TUSC3: variants seen among roughly 807,000 people sequenced by gnomAD.
TUSC3 encodes dolichyl-diphosphooligosaccharide--protein glycosyltransferase subunit TUSC3.
TUSC3 carries 45 observed loss-of-function variants against 44.8 expected under a neutral mutation model. The ratio of observed to expected loss-of-function variants is 1.00; its 90% CI spans 0.79 to 1.29. The LOEUF (loss-of-function observed/expected upper bound fraction) is 1.29, where lower values mean the gene tolerates loss of function less well. Among genes scored for constraint, TUSC3 ranks in the 50% most tolerant of loss-of-function variants. TUSC3 has a pLI of 0.00. For synonymous variants in TUSC3, 212 were observed against 152.9 expected, an observed-to-expected ratio of 1.39 and a Z score of -2.85; for missense variants, 519 against 437.9, an observed-to-expected ratio of 1.19 and a Z score of -1.65.
chr8:15,735,886 T>TGTTTG (rs1563197131), intron 7 of TUSC3, among the ~76,000 whole-genome samples: 3 of 37,654 alleles, frequency 8.0e-5, no homozygotes, highest in African/African-American at 2.4e-4. Context: ...TTTTTTTGTT[T>TGTTTG]TTTTGGTTTT....
the TUSC3 span, among the ~76,000 whole-genome samples, chr8:15,809,764 G>A: frequency 2.0e-5 from 3 of 151,712 alleles, no homozygotes; most frequent in African/African-American, 7.3e-5. Context: ...TGCAACCACG[G>A]ATAAAAGAAC....
chr8:15,699,308 G>A (rs1399869317), intron 6 of TUSC3, among the ~76,000 whole-genome samples: 1 of 152,138 alleles, frequency 6.6e-6, no homozygotes, highest in African/African-American at 2.4e-5. Context: ...TAGAAAAAGT[G>A]TTTTTCATTT....
At chr8:15,481,232 A>T (rs1193707904) in intron 1 of TUSC3, among the ~76,000 whole-genome samples, 1 of 137,988 alleles carries the variant, frequency 7.2e-6, no homozygotes, top group Non-Finnish European at 1.5e-5. Context: ...GAGCAGCAAG[A>T]GTGAAACTCC....
intron 1 of TUSC3, among the ~76,000 whole-genome samples, chr8:15,471,881 G>T (rs1375208619): frequency 6.6e-6 from 1 of 152,190 alleles, no homozygotes; most frequent in South Asian, 2.1e-4. Flanking sequence ...GCCTCCCAAA[G>T]TGCTAGGATT....
At chr8:15,647,702 AG>A (rs1180112177) in intron 2 of TUSC3, among the ~76,000 whole-genome samples, 3 of 152,158 alleles carry the variant, frequency 2.0e-5, no homozygotes, top group Non-Finnish European at 2.9e-5. Context: ...TTATATTTTA[AG>A]GTAATTTTCT....
chr8:15,842,811 C>G, the TUSC3 span, among the ~76,000 whole-genome samples: 1 of 152,182 alleles, frequency 6.6e-6, no homozygotes, highest in Non-Finnish European at 1.5e-5. Flanking sequence ...TAGAGGAAAC[C>G]TGTACATCTC....
rs1456374956 is a variant in TUSC3 at position 15,765,397 on chromosome 8, A to T, written c.*1241A>T. The T allele has an allele frequency of 6.6e-6, 1 of 152,032 alleles. No individual in the cohort carries two copies. Among genetic ancestry groups the T allele is most frequent in the African/African-American group, 2.4e-5 (1 of 41,440 alleles). The allele number at this position is 152,032 out of a possible 1,614,324, so 9.4% of individuals were successfully genotyped here. ...AAGGTTTGTTATCTAATTTTCATTA[A>T]GATTTGAGTAACAGACCATGGAGAA... On this transcript the variant is annotated 3_prime_UTR_variant, in exon 11 of 11. Coordinates refer to ENST00000503731, the MANE Select transcript of TUSC3 (RefSeq NM_006765.4).
intron 1 of TUSC3, among the ~76,000 whole-genome samples, chr8:15,462,224 T>G (rs1800355744): frequency 6.6e-6 from 1 of 152,128 alleles, no homozygotes; most frequent in Admixed American, 6.6e-5. Context: ...AATCATGTAA[T>G]CATCACCATT....
chr8:15,545,453 A>G (rs1242668450), intron 1 of TUSC3, among the ~76,000 whole-genome samples: 1 of 151,554 alleles, frequency 6.6e-6, no homozygotes, highest in Non-Finnish European at 1.5e-5. Context: ...TCAAAAGTAA[A>G]CACTCATTTT....
the TUSC3 span, among the ~76,000 whole-genome samples, chr8:15,812,925 C>A: frequency 6.6e-6 from 1 of 152,062 alleles, no homozygotes; most frequent in Non-Finnish European, 1.5e-5. Flanking sequence ...GAAACCCCAT[C>A]TCTACTAAAA....
chr8:15,639,687 T>G (rs555132718), intron 2 of TUSC3, among the ~76,000 whole-genome samples: 1 of 152,298 alleles, frequency 6.6e-6, no homozygotes, highest in Non-Finnish European at 1.5e-5. Context: ...TGATTTTAGT[T>G]TATGTTAGTC....
chr8:15,426,444 C>A (rs371138193), intron 1 of TUSC3, among the ~76,000 whole-genome samples: 1 of 152,178 alleles, frequency 6.6e-6, no homozygotes. Flanking sequence ...GTATTCTTTG[C>A]TTCCATGAGT....
rs992200255 is a variant in TUSC3, at chr8:15,666,138, A to G, written c.708+3842A>G. Reference sequence around the variant, plus strand: ...TGGAACCAAAATGAGTTAAAATTGTATGTTTTGTAGCACATAATGAAGATC... The same window carrying G: ...TGGAACCAAAATGAGTTAAAATTGTGTGTTTTGTAGCACATAATGAAGATC... On this transcript the variant is annotated intron_variant, in intron 5 of 10. Transcript: ENST00000503731. Among the ~76,000 whole-genome samples, 15 of 151,650 alleles carry G rather than the reference A, an allele frequency of 9.9e-5. No individual in the cohort carries two copies. In the East Asian group the frequency reaches 2.3e-3, roughly 24 times the overall value.
At chr8:15,665,204 T>C (rs1807605674) in intron 5 of TUSC3, among the ~76,000 whole-genome samples, 2 of 151,488 alleles carry the variant, frequency 1.3e-5, no homozygotes, top group Admixed American at 1.3e-4. Flanking sequence ...AAAGGAAAGC[T>C]CTTAAAATAA....
At chr8:15,456,020 C>A (rs2129121104) in intron 1 of TUSC3, among the ~76,000 whole-genome samples, 1 of 152,234 alleles carries the variant, frequency 6.6e-6, no homozygotes, top group Non-Finnish European at 1.5e-5. Context: ...ACCTACCAAC[C>A]ACTCCGGTGG....
At chr8:15,771,657 A>G in the TUSC3 span, among the ~76,000 whole-genome samples, 1 of 152,216 alleles carries the variant, frequency 6.6e-6, no homozygotes, top group African/African-American at 2.4e-5. Flanking sequence ...CAACCAGTGG[A>G]TCACAGAAGA....
At chr8:15,424,501 T>A (rs1799780075) in intron 1 of TUSC3, among the ~76,000 whole-genome samples, 1 of 152,088 alleles carries the variant, frequency 6.6e-6, no homozygotes, top group Non-Finnish European at 1.5e-5. Context: ...GAGATTAACG[T>A]TTCTGGGCAA....
intron 6 of TUSC3, among the ~76,000 whole-genome samples, chr8:15,688,192 C>A (rs982500760): frequency 1.3e-5 from 2 of 149,936 alleles, no homozygotes; most frequent in Non-Finnish European, 3.0e-5. Flanking sequence ...AAGTTGAGTA[C>A]AATTATATTA....
intron 2 of TUSC3, among the ~76,000 whole-genome samples, chr8:15,640,497 A>C (rs1360202567): frequency 2.0e-5 from 3 of 152,182 alleles, no homozygotes; most frequent in Non-Finnish European, 4.4e-5. Flanking sequence ...AATAATTCTG[A>C]AATGTTTTCT....
Sources: allele counts gnomAD v4.1 joint callset (sites outside exome capture counted in the v4.1 genomes callset), GRCh38; gene constraint gnomAD v4.1.1; transcripts MANE v1.5; gene names NCBI Gene and HGNC (gene_info 2026-07-23, HGNC 2026-07-21).